Variants in PODXL2 observed in about 807,000 individuals in gnomAD.
The protein encoded by PODXL2 is podocalyxin-like protein 2.
In PODXL2, 17 loss-of-function variants were observed where a neutral mutation model predicts 53.4. That is an observed-to-expected ratio of 0.32 (90% confidence interval 0.22 to 0.48). PODXL2 has a LOEUF of 0.48. Among genes scored for constraint, PODXL2 ranks in the 20% least tolerant of loss-of-function variants. The probability of loss-of-function intolerance (pLI) is 0.99; values close to 1 mark genes in which losing one functional copy is unlikely to be tolerated. For synonymous variants in PODXL2, 311 were observed against 306.7 expected (o/e 1.01, Z -0.15); for missense variants, 673 against 760.0 (o/e 0.89, Z 1.35).
intron 2 of PODXL2, among the ~76,000 whole-genome samples, chr3:127,658,054 T>G (rs1286644363): frequency 6.6e-6 from 1 of 152,244 alleles, no homozygotes; most frequent in African/African-American, 2.4e-5. Context: ...GAATCTTGGT[T>G]GTTCTTTCTT....
intron 2 of PODXL2, among the ~76,000 whole-genome samples, chr3:127,658,406 CT>C (rs60979669): frequency 0.11 from 9,839 of 87,360 alleles, 128 homozygotes; most frequent in Non-Finnish European, 0.15. Flanking sequence ...TTTCCCATGT[CT>C]TTTTTTTTTT....
intron 4 of PODXL2, chr3:127,666,068 T>C (rs2107544800): frequency 3.2e-6 from 1 of 315,420 alleles, no homozygotes; most frequent in East Asian, 9.4e-5. Flanking sequence ...TCATGTATAA[T>C]GCATGTACAC....
At chr3:127,666,853 C>G (rs1447874565) in intron 4 of PODXL2, among the ~76,000 whole-genome samples, 1 of 152,230 alleles carries the variant, frequency 6.6e-6, no homozygotes, top group Non-Finnish European at 1.5e-5. Context: ...TTAAGCCAGG[C>G]AGACATATGT....
intron 6 of PODXL2, among the ~76,000 whole-genome samples, chr3:127,669,643 C>T (rs947696449): frequency 1.3e-5 from 2 of 152,178 alleles, no homozygotes; most frequent in Non-Finnish European, 2.9e-5. Context: ...TGTGACTTGG[C>T]GTGGACGTGT....
At position 127,660,703 on chromosome 3, in the gene PODXL2, C is replaced by T. The variant is rs114052720; in HGVS notation, c.675C>T (p.Ser225=). Residue 225 remains serine, a synonymous_variant, in exon 3 of 8, where the codon TCC becomes TCT. Transcript: ENST00000342480. ...PGATKSRHED[S]GDQASSGVEV... ...CCACCAAAAGCAGGCATGAAGACTC[C>T]GGGGACCAGGCCTCATCAGGTGTGG... 4.8e-4 allele frequency: 774 copies of T among 1,614,182 alleles called. 5 individuals are homozygous for T. In the African/African-American group the frequency reaches 8.8e-3, roughly 18 times the overall value.
At chr3:127,669,041 C>A (rs2074813733) in intron 5 of PODXL2, 100 bp from the exon 6 acceptor site, 1 of 710,374 alleles carries the variant, frequency 1.4e-6, no homozygotes, top group African/African-American at 1.8e-5. Flanking sequence ...GGAAGGGAGA[C>A]AGAGGCTCAG....
At chr3:127,643,433 C>T (rs1208395785) in intron 2 of PODXL2, among the ~76,000 whole-genome samples, 1 of 152,114 alleles carries the variant, frequency 6.6e-6, no homozygotes, top group Non-Finnish European at 1.5e-5. Context: ...TGGTTTCAAA[C>T]TCCTGATCTC....
rs1273848901 is a variant in PODXL2, at chr3:127,639,344, A to G, written c.170A>G (p.Glu57Gly). The G allele has an allele frequency of 1.2e-6, 2 of 1,614,054 alleles. No homozygotes were observed. The highest frequency in any genetic ancestry group is 1.7e-6 in the Non-Finnish European group (2 of 1,180,034). Residue 57 changes from glutamate (E) to glycine (G), a missense_variant, in exon 2 of 8, where the codon GAG (glutamate) becomes GGG (glycine). Transcript: ENST00000342480. ...GACCTCCTGCTGCCCACTGGCTTGG[A>G]GCCACTGGACTCAGAGGAGCCTAGT... ...LLDLLLPTGL[E>G]PLDSEEPSET... is the part of the protein sequence containing the mutation.
chr3:127,671,232 G>A (rs2074832991), intron 6 of PODXL2, among the ~76,000 whole-genome samples: 1 of 152,134 alleles, frequency 6.6e-6, no homozygotes, highest in Non-Finnish European at 1.5e-5. Context: ...GCATGGGGTG[G>A]AGAGGCCTCC....
intron 2 of PODXL2, among the ~76,000 whole-genome samples, chr3:127,656,398 T>A (rs906767485): frequency 6.6e-6 from 1 of 152,146 alleles, no homozygotes. Flanking sequence ...AAGACCAGCC[T>A]GGGCAACACA....
chr3:127,651,766 G>T (rs911198067), intron 2 of PODXL2, among the ~76,000 whole-genome samples: 4 of 152,252 alleles, frequency 2.6e-5, no homozygotes, highest in Non-Finnish European at 4.4e-5. Flanking sequence ...CAGAAGGAAA[G>T]TGTGCCTTCT....
intron 2 of PODXL2, among the ~76,000 whole-genome samples, chr3:127,646,644 C>G (rs2074659136): frequency 6.6e-6 from 1 of 152,192 alleles, no homozygotes; most frequent in African/African-American, 2.4e-5. Flanking sequence ...TCTCGGCCGC[C>G]CAAAGTGCTG....
chr3:127,637,848 C>T (rs1237107782), intron 1 of PODXL2, among the ~76,000 whole-genome samples: 1 of 152,190 alleles, frequency 6.6e-6, no homozygotes, highest in South Asian at 2.1e-4. Flanking sequence ...CTGAAATGCT[C>T]ATTTTTTTCA....
intron 2 of PODXL2, among the ~76,000 whole-genome samples, chr3:127,651,222 C>T (rs548183150): frequency 6.6e-6 from 1 of 152,296 alleles, no homozygotes; most frequent in East Asian, 1.9e-4. Flanking sequence ...GAGATCGTGC[C>T]ATTGCACTCC....
At chr3:127,630,813 C>T (rs955323375) in intron 1 of PODXL2, among the ~76,000 whole-genome samples, 2 of 152,166 alleles carry the variant, frequency 1.3e-5, no homozygotes, top group African/African-American at 2.4e-5. Flanking sequence ...TCTTTCACGC[C>T]GTAAATCCTC....
chr3:127,672,334 A>G lies in PODXL2; in HGVS notation c.1672A>G (p.Ser558Gly). Residue 558 changes from serine (S) to glycine (G), a missense_variant, in exon 8 of 8, where the codon AGC becomes GGC. Physicochemically the swap from Ser to Gly is moderately conservative, Grantham distance 56. This residue lies in a region of PODXL2 where 79 missense variants were observed against 70.5 expected (regional missense o/e 1.12). Transcript: ENST00000342480. ...CHDNPTLDVASDSQSEMQEKH... is the reference protein window; with the variant it reads ...CHDNPTLDVAGDSQSEMQEKH... ...CGACAACCCCACGCTGGACGTGGCC[A>G]GCGACAGCCAGTCGGAGATGCAGGA... The G allele has an allele frequency of 1.9e-6, 3 of 1,550,022 alleles. No individual in the cohort carries two copies. The highest frequency in any genetic ancestry group is 2.6e-6 in the Non-Finnish European group (3 of 1,148,014).
intron 4 of PODXL2, among the ~76,000 whole-genome samples, chr3:127,664,734 G>A (rs1426735632): frequency 6.6e-6 from 1 of 151,432 alleles, no homozygotes; most frequent in Non-Finnish European, 1.5e-5. Flanking sequence ...AGTAATTGCG[G>A]TTTTTGCCAT....
chr3:127,654,114 C>A (rs1014547184), intron 2 of PODXL2, among the ~76,000 whole-genome samples: 1 of 152,206 alleles, frequency 6.6e-6, no homozygotes, highest in Non-Finnish European at 1.5e-5. Flanking sequence ...GGTCCAGAAT[C>A]ACGTACTGCA....
At chr3:127,655,966 A>G (rs909144448) in intron 2 of PODXL2, among the ~76,000 whole-genome samples, 1 of 152,274 alleles carries the variant, frequency 6.6e-6, no homozygotes, top group Non-Finnish European at 1.5e-5. Context: ...AAGTCTGTGC[A>G]GTGACGGGAG....
Sources: gnomAD v4.1 joint callset for allele counts (sites outside exome capture counted in the v4.1 genomes callset) on GRCh38, gnomAD v4.1.1 for gene constraint, gnomAD v4.1.1 regional missense constraint, MANE v1.5 for transcripts, NCBI Gene and HGNC (gene_info 2026-07-23, HGNC 2026-07-21) for gene names.